The following YAP1 variants were observed in gnomAD, a reference collection of about 807,000 sequenced individuals.
YAP1 encodes the protein transcriptional coactivator YAP1.
A neutral mutation model predicts 56.9 loss-of-function variants in YAP1; 5 were observed. That is an observed-to-expected ratio of 0.09 (90% CI 0.05 to 0.18). The LOEUF (loss-of-function observed/expected upper bound fraction) is 0.18. Ranked by LOEUF, YAP1 falls within the 10% of genes least tolerant of loss-of-function variation. YAP1 has a pLI of 1.00. For missense variants in YAP1, 539 were observed against 651.8 expected, an observed-to-expected ratio of 0.83 and a Z score of 1.88; for synonymous variants, 265 against 248.1, an observed-to-expected ratio of 1.07 and a Z score of -0.64.
intron 4 of YAP1, among the ~76,000 whole-genome samples, chr11:102,202,262 C>G (rs1304821284): frequency 6.6e-6 from 1 of 151,414 alleles, no homozygotes; most frequent in Admixed American, 6.6e-5. Context: ...CTCCTGGGTT[C>G]AAGCCATTCT....
At chr11:102,177,213 T>C (rs1020500639) in intron 3 of YAP1, among the ~76,000 whole-genome samples, 6 of 152,034 alleles carry the variant, frequency 3.9e-5, no homozygotes, top group Non-Finnish European at 4.4e-5. Flanking sequence ...GCCTGGCATG[T>C]TGGATGCTTT....
chr11:102,165,327 TC>T (rs1473395940), intron 3 of YAP1, among the ~76,000 whole-genome samples: 1 of 152,168 alleles, frequency 6.6e-6, no homozygotes, highest in Non-Finnish European at 1.5e-5. Context: ...ACCACCATAC[TC>T]CAGCCTAGGT....
intron 2 of YAP1, among the ~76,000 whole-genome samples, chr11:102,125,793 A>C (rs185520443): frequency 9.2e-5 from 14 of 152,182 alleles, no homozygotes; most frequent in Admixed American, 2.0e-4. Context: ...CCCTTAGGAT[A>C]TTATACTGTT....
At chr11:102,210,644 A>G (rs1949356350) in intron 6 of YAP1, among the ~76,000 whole-genome samples, 1 of 152,192 alleles carries the variant, frequency 6.6e-6, no homozygotes, top group Non-Finnish European at 1.5e-5. Context: ...GCACTAATAT[A>G]CCATTTGACT....
chr11:102,183,253 C>T (rs192747400), intron 3 of YAP1, among the ~76,000 whole-genome samples: 4 of 152,174 alleles, frequency 2.6e-5, no homozygotes, highest in South Asian at 2.1e-4. Flanking sequence ...ATAATGGGAA[C>T]GGCATATACA....
intron 4 of YAP1, among the ~76,000 whole-genome samples, chr11:102,187,483 C>T (rs866826166): frequency 2.3e-4 from 35 of 152,202 alleles, no homozygotes; most frequent in Middle Eastern, 3.4e-3. Context: ...TTAATAAATG[C>T]GGCCAATTGT....
intron 5 of YAP1, among the ~76,000 whole-genome samples, chr11:102,208,365 T>C (rs1236365989): frequency 1.3e-5 from 2 of 152,198 alleles, no homozygotes; most frequent in Admixed American, 1.3e-4. Context: ...TTAAATAAAT[T>C]TGTTTGCCAT....
intron 2 of YAP1, among the ~76,000 whole-genome samples, chr11:102,153,968 C>CT (rs1359163526): frequency 6.6e-6 from 1 of 152,092 alleles, no homozygotes; most frequent in Non-Finnish European, 1.5e-5. Context: ...GAGGCAGTCT[C>CT]TAAGTGATCA....
intron 4 of YAP1, among the ~76,000 whole-genome samples, chr11:102,192,445 A>G (rs1328394498): frequency 6.6e-6 from 1 of 152,236 alleles, no homozygotes. Flanking sequence ...TTCAATCTGC[A>G]GTAGAGGCTA....
intron 1 of YAP1, among the ~76,000 whole-genome samples, chr11:102,112,081 C>T (rs1375699911): frequency 6.6e-6 from 1 of 152,214 alleles, no homozygotes; most frequent in Non-Finnish European, 1.5e-5. Flanking sequence ...CACATCTGTA[C>T]GTTGCGCAGG....
chr11:102,210,229 C>T (rs1233832014), intron 6 of YAP1, among the ~76,000 whole-genome samples: 1 of 152,072 alleles, frequency 6.6e-6, no homozygotes, highest in African/African-American at 2.4e-5. Flanking sequence ...TTCTTAAAAC[C>T]AAAAAGATTT....
In YAP1 at chr11:102,110,775, C is replaced by G. The variant is rs1942843038; in HGVS notation, c.-74C>G. ...CCGTCGCCGCTTCTCCACCTCGGCC[C>G]GTGGAGCCGGGGCGTCCGGGCGTAG... On this transcript the variant is annotated 5_prime_UTR_variant, in exon 1 of 9. Transcript: ENST00000282441. 7.3e-6 allele frequency: 9 copies of G among 1,235,440 alleles called. No homozygotes were observed. Among genetic ancestry groups the G allele is most frequent in the Non-Finnish European group, 8.1e-6 (8 of 986,198 alleles). 76.5% of individuals were successfully genotyped at this position (1,235,440 alleles called of 1,614,324 possible).
chr11:102,219,987 G>T (rs1444951477), intron 6 of YAP1, among the ~76,000 whole-genome samples: 1 of 151,844 alleles, frequency 6.6e-6, no homozygotes, highest in Admixed American at 6.5e-5. Flanking sequence ...GCCCACCTCA[G>T]CCTCCCAAAG....
At position 102,114,179 on chromosome 11, in the gene YAP1, T is replaced by G; in HGVS notation, c.357T>G (p.Thr119=). ...STDAGTAGAL[T]PQHVRAHSSP... is the part of the protein sequence containing the mutation. ...ATGCAGGCACTGCAGGAGCCCTGAC[T>G]CCACAGCATGTTCGAGCTCATTCCT... Residue 119 remains threonine, a synonymous_variant, in exon 2 of 9, where the codon ACT becomes ACG. Coordinates refer to ENST00000282441, the MANE Select transcript of YAP1 (RefSeq NM_001130145.3). 6.2e-7 allele frequency: 1 copy of G among 1,614,002 alleles called. No individual in the cohort carries two copies. The highest frequency in any genetic ancestry group is 1.7e-4 in the Middle Eastern group (1 of 6,056).
intron 3 of YAP1, among the ~76,000 whole-genome samples, chr11:102,179,181 G>A (rs779496013): frequency 6.6e-6 from 1 of 152,000 alleles, no homozygotes; most frequent in Non-Finnish European, 1.5e-5. Flanking sequence ...ATGCTGGCCT[G>A]TTTCTCTCTT....
intron 4 of YAP1, among the ~76,000 whole-genome samples, chr11:102,190,098 G>C (rs1948193846): frequency 6.6e-6 from 1 of 152,160 alleles, no homozygotes; most frequent in Non-Finnish European, 1.5e-5. Context: ...GAGAATGTCA[G>C]CATCTAATTA....
chr11:102,122,905 A>ACAAAAAAAAAAAAAAAAAAAAC lies in YAP1; in HGVS notation c.572+8511_572+8512insCAAAAAAAAAAAAAAAAAAAAC, dbSNP rs1334383393. Among the ~76,000 whole-genome samples, 6 of 150,768 alleles carry ACAAAAAAAAAAAAAAAAAAAAC rather than the reference A, an allele frequency of 4.0e-5. No homozygotes were observed. In the South Asian group the frequency reaches 1.0e-3, roughly 26 times the overall value. On this transcript the variant is annotated intron_variant, in intron 2 of 8. Transcript: ENST00000282441. ...GAGCGAGACTTCTCTCAAAAAAAAA[A>ACAAAAAAAAAAAAAAAAAAAAC]AAAAAAAAAAAGCAAAGAAAAGAGC...
chr11:102,157,786 C>G (rs1408789521), intron 2 of YAP1, among the ~76,000 whole-genome samples: 10 of 152,130 alleles, frequency 6.6e-5, no homozygotes, highest in Admixed American at 6.6e-4. Context: ...TCTTTGTTCA[C>G]TTTTATCAGA....
chr11:102,130,673 G>C (rs1944321038), intron 2 of YAP1, among the ~76,000 whole-genome samples: 1 of 147,676 alleles, frequency 6.8e-6, no homozygotes, highest in Non-Finnish European at 1.5e-5. Flanking sequence ...AAAATGCTGG[G>C]ATTACAGGCA....
Sources: gnomAD v4.1 joint callset for allele counts (sites outside exome capture counted in the v4.1 genomes callset) on GRCh38, gnomAD v4.1.1 for gene constraint, MANE v1.5 for transcripts, NCBI Gene and HGNC (gene_info 2026-07-23, HGNC 2026-07-21) for gene names.